PTGS1: variants seen among roughly 807,000 people sequenced by gnomAD.
PTGS1 encodes the protein prostaglandin G/H synthase 1.
A neutral mutation model predicts 63.0 loss-of-function variants in PTGS1; 40 were observed. The ratio of observed to expected loss-of-function variants is 0.63; its 90% confidence interval spans 0.49 to 0.83. The LOEUF is 0.83. PTGS1 is among the 40% of genes least tolerant of loss of function. The pLI, the probability that PTGS1 is intolerant of heterozygous loss-of-function variation, is 0.00. For synonymous variants in PTGS1, 298 were observed against 301.9 expected (o/e 0.99, Z 0.13); for missense variants, 709 against 786.5 (o/e 0.90, Z 1.18).
intron 7 of PTGS1, 37 bp downstream of exon 7, chr9:122,381,784 T>C: frequency 1.3e-6 from 2 of 1,579,076 alleles, no homozygotes; most frequent in Non-Finnish European, 1.7e-6. Flanking sequence ...GAGGGAGGGG[T>C]CTCCCATGGT....
intron 10 of PTGS1, among the ~76,000 whole-genome samples, chr9:122,390,929 G>T (rs1359904435): frequency 6.6e-6 from 1 of 152,022 alleles, no homozygotes; most frequent in Non-Finnish European, 1.5e-5. Flanking sequence ...ATAGAGGTCA[G>T]ACAGCAGGTA....
intron 8 of PTGS1, 119 bp from the exon 9 acceptor site, chr9:122,386,327 G>A: frequency 9.0e-7 from 1 of 1,108,964 alleles, no homozygotes; most frequent in Non-Finnish European, 1.3e-6. Context: ...AACATCAACA[G>A]CAACAACAAC....
At chr9:122,373,872 T>C (rs1164796750) in intron 2 of PTGS1, among the ~76,000 whole-genome samples, 7 of 151,712 alleles carry the variant, frequency 4.6e-5, no homozygotes. Context: ...TTTTTTTCTC[T>C]CTGGCTGCCA....
At chr9:122,372,982 G>C (rs1188102179) in intron 2 of PTGS1, among the ~76,000 whole-genome samples, 2 of 151,842 alleles carry the variant, frequency 1.3e-5, no homozygotes, top group Non-Finnish European at 2.9e-5. Context: ...AGGAAGCAGG[G>C]GTATAGGGAG....
chr9:122,379,226 T>C (rs1837369415), intron 5 of PTGS1, among the ~76,000 whole-genome samples: 1 of 152,174 alleles, frequency 6.6e-6, no homozygotes, highest in Non-Finnish European at 1.5e-5. Context: ...TAGGAAAGAA[T>C]AGTGAGCTAT....
At chr9:122,382,141 G>A (rs1250191595) in intron 7 of PTGS1, among the ~76,000 whole-genome samples, 1 of 152,162 alleles carries the variant, frequency 6.6e-6, no homozygotes, top group East Asian at 1.9e-4. Context: ...TTCATTCTAT[G>A]AGGGCTTTTG....
At position 122,393,810 on chromosome 9, in the gene PTGS1, C is replaced by T. The variant is rs1163524247; in HGVS notation, c.*1266C>T. 1.3e-5 allele frequency: 2 copies of T among 152,218 alleles called. No individual in the cohort carries two copies. The highest frequency in any genetic ancestry group is 2.9e-5 in the Non-Finnish European group (2 of 68,058). 9.4% of individuals were successfully genotyped at this position (152,218 alleles called of 1,614,324 possible). On this transcript the variant is annotated 3_prime_UTR_variant, in exon 11 of 11. Transcript: ENST00000362012. ...TCTTGATTCCTGGTTTGACTCAGTT[C>T]CAGGCCTGATCTTGCCTGTCTGGCT... is the stretch of plus-strand genomic sequence containing the variant.
intron 2 of PTGS1, among the ~76,000 whole-genome samples, chr9:122,376,502 AG>A (rs970033668): frequency 1.3e-5 from 2 of 152,084 alleles, no homozygotes; most frequent in Admixed American, 1.3e-4. Flanking sequence ...GGCAGGGGAT[AG>A]GGGGCAGGTC....
chr9:122,394,520 T>C lies in PTGS1; in HGVS notation c.*1976T>C, dbSNP rs1474245389. On this transcript the variant is annotated 3_prime_UTR_variant, in exon 11 of 11. Coordinates refer to ENST00000362012, the MANE Select transcript of PTGS1 (RefSeq NM_000962.4). ...ATCCTTCGGGTGCTGGAAGTCTCCA[T>C]GAAGAGCTTGTGTCCTGTCCTTTCT... 1 of 152,250 alleles carries C rather than the reference T, an allele frequency of 6.6e-6. No individual in the cohort carries two copies. Among genetic ancestry groups the C allele is most frequent in the Non-Finnish European group, 1.5e-5 (1 of 68,074 alleles). 9.4% of individuals were successfully genotyped at this position (152,250 alleles called of 1,614,324 possible). A position where few individuals can be genotyped will look rare whatever the true frequency, so the allele number is the denominator to read the frequency against.
intron 2 of PTGS1, chr9:122,375,268 A>T: frequency 1.0e-6 from 1 of 985,218 alleles, no homozygotes; most frequent in African/African-American, 1.7e-5. Context: ...CAGCTCCCGC[A>T]CAGCCTCTCT....
intron 8 of PTGS1, among the ~76,000 whole-genome samples, chr9:122,385,073 T>C (rs1013650550): frequency 2.0e-5 from 3 of 152,190 alleles, no homozygotes; most frequent in African/African-American, 7.2e-5. Context: ...TTCTCGTGTC[T>C]CAGCCTCCCG....
chr9:122,370,779 C>T (rs1836751347), upstream of PTGS1: 2 of 585,652 alleles, frequency 3.4e-6, no homozygotes, highest in South Asian at 4.4e-5. Flanking sequence ...GTGACCTCAG[C>T]ATTGAGCATC....
chr9:122,377,809 G>A lies in PTGS1; in HGVS notation c.95-90G>A. 2.6e-6 allele frequency: 3 copies of A among 1,173,236 alleles called. No homozygotes were observed. In the East Asian group the frequency reaches 7.0e-5, roughly 27 times the overall value. The allele number at this position is 1,173,236 out of a possible 1,614,324, so 72.7% of individuals were successfully genotyped here. On this transcript the variant is annotated intron_variant, in intron 2 of 10. Transcript: ENST00000362012. ...GGACGGAGCTGCGACTTAAGTCCAT[G>A]CCTCTGGCCCCTCATTCCCCCATCA... is the stretch of plus-strand genomic sequence containing the variant.
In PTGS1 at chr9:122,392,525, G is replaced by A. The variant is rs1022456315; in HGVS notation, c.1781G>A (p.Arg594Gln). ...ASQDDGPAVE[R>Q]PSTEL is the part of the protein sequence containing the mutation. ...CAGGATGATGGGCCTGCTGTGGAGCGACCATCCACAGAGCTCTGAGGGGCA... is the reference window on the plus strand; with the variant it reads ...CAGGATGATGGGCCTGCTGTGGAGCAACCATCCACAGAGCTCTGAGGGGCA... The change falls in exon 11 of 11, where the codon CGA becomes CAA. Residue 594 changes from arginine (R) to glutamine (Q), a missense_variant. Arg to Gln is a conservative substitution (Grantham distance 43). Coordinates refer to ENST00000362012, the MANE Select transcript of PTGS1 (RefSeq NM_000962.4). The A allele has an allele frequency of 5.6e-6, 9 of 1,613,478 alleles. No homozygotes were observed. The highest frequency in any genetic ancestry group is 1.1e-5 in the South Asian group (1 of 91,004).
At chr9:122,375,258 C>T in intron 2 of PTGS1, 4 of 982,488 alleles carry the variant, frequency 4.1e-6, no homozygotes, top group Non-Finnish European at 4.8e-6. Flanking sequence ...GGAGGAGCCT[C>T]AGCTCCCGCA....
chr9:122,386,645 C>T lies in PTGS1; in HGVS notation c.1209C>T (p.Tyr403=), dbSNP rs1338200131. The change falls in exon 9 of 11, where the codon TAC becomes TAT. Residue 403 remains tyrosine (Y), a synonymous_variant. Transcript: ENST00000362012. ...SFKVGSQEYS[Y]EQFLFNTSML... ...AGGTGGGCTCCCAGGAGTACAGCTACGAGCAGTTCTTGTTCAACACCTCCA... is the reference window on the plus strand; with the variant it reads ...AGGTGGGCTCCCAGGAGTACAGCTATGAGCAGTTCTTGTTCAACACCTCCA... 17 of 1,614,058 alleles carry T rather than the reference C, an allele frequency of 1.1e-5. No individual in the cohort carries two copies. The African/African-American group carries it at 1.6e-4, about 15-fold the overall frequency.
chr9:122,378,755 G>C lies in PTGS1; in HGVS notation c.353-20G>C. On this transcript the variant is annotated intron_variant, in intron 4 of 10. Coordinates refer to ENST00000362012, the MANE Select transcript of PTGS1 (RefSeq NM_000962.4). The stretch of plus-strand genomic sequence containing the variant: ...TGGGGGTGGAAACACCCTTGTCACC[G>C]TTATTTTTGCTCTCTGCAGTGCGCT... 6.2e-7 allele frequency: 1 copy of C among 1,613,580 alleles called. No individual in the cohort carries two copies. Among genetic ancestry groups the C allele is most frequent in the Non-Finnish European group, 8.5e-7 (1 of 1,179,568 alleles).
chr9:122,389,912 A>AGATCAT (rs1349403007), intron 9 of PTGS1, among the ~76,000 whole-genome samples: 1 of 152,034 alleles, frequency 6.6e-6, no homozygotes, highest in South Asian at 2.1e-4. Flanking sequence ...CACTGAGTCA[A>AGATCAT]GATCATGCCA....
chr9:122,378,281 G>A, intron 3 of PTGS1, 152 bp from the exon 4 acceptor site: 1 of 1,124,760 alleles, frequency 8.9e-7, no homozygotes, highest in South Asian at 1.4e-5. Context: ...TCTGTCATGT[G>A]TCATTGCTCC....
Sources: gnomAD v4.1 joint callset for allele counts (sites outside exome capture counted in the v4.1 genomes callset) on GRCh38, gnomAD v4.1.1 for gene constraint, MANE v1.5 for transcripts, NCBI Gene and HGNC (gene_info 2026-07-23, HGNC 2026-07-21) for gene names.